The following FADS2 variants were observed in gnomAD, a reference collection of about 807,000 sequenced individuals.
The protein encoded by FADS2 is fatty acid desaturase 2, also known as acyl-CoA 6-desaturase.
A neutral mutation model predicts 61.2 loss-of-function variants in FADS2; 18 were observed. The observed-to-expected ratio is 0.29, with a 90% confidence interval of 0.20 to 0.44. The LOEUF is 0.44. Among genes scored for constraint, FADS2 ranks in the 20% least tolerant of loss-of-function variants. The pLI, the probability that FADS2 is intolerant of heterozygous loss-of-function variation, is 1.00. For missense variants in FADS2, 322 were observed against 572.7 expected (o/e 0.56, Z 4.47); for synonymous variants, 203 against 223.9 (o/e 0.91, Z 0.83).
intron 1 of FADS2, among the ~76,000 whole-genome samples, chr11:61,837,262 CTG>C (rs1275311986): frequency 6.6e-6 from 1 of 152,108 alleles, no homozygotes; most frequent in Non-Finnish European, 1.5e-5. Context: ...TTACATAATT[CTG>C]TGTTTATTTT....
chr11:61,836,660 C>T (rs566340845), intron 1 of FADS2, among the ~76,000 whole-genome samples: 2 of 152,150 alleles, frequency 1.3e-5, no homozygotes, highest in African/African-American at 2.4e-5. Flanking sequence ...TGAGCCCCTG[C>T]GACCAGTCAA....
intron 7 of FADS2, 60 bp from the exon 8 acceptor site, chr11:61,862,912 G>T: frequency 7.4e-7 from 1 of 1,343,106 alleles, no homozygotes. Context: ...TCTGGGGCAC[G>T]CACTTGGTGC....
At chr11:61,839,748 A>G (rs2067203401) in intron 2 of FADS2, among the ~76,000 whole-genome samples, 1 of 152,178 alleles carries the variant, frequency 6.6e-6, no homozygotes, top group African/African-American at 2.4e-5. Flanking sequence ...ACATCCATTA[A>G]GCACTCACTC....
intron 10 of FADS2, among the ~76,000 whole-genome samples, chr11:61,864,782 T>A (rs1460359904): frequency 1.3e-5 from 2 of 151,562 alleles, no homozygotes; most frequent in Non-Finnish European, 2.9e-5. Context: ...GTGATCTGCC[T>A]GCCTCGGCCT....
Position 61,847,906 on chromosome 11 carries a change from G to A in FADS2, c.619-253G>A, listed in dbSNP as rs1049937029. 90 of 455,100 alleles carry A rather than the reference G, an allele frequency of 2.0e-4. 1 individual carries two copies. In the Middle Eastern group the frequency reaches 2.3e-3, roughly 12 times the overall value. 28.2% of individuals were successfully genotyped at this position (455,100 alleles called of 1,614,324 possible). A position where few individuals can be genotyped will look rare whatever the true frequency, so the allele number is the denominator to read the frequency against. On this transcript the variant is annotated intron_variant, in intron 4 of 11. Transcript: ENST00000278840. The stretch of plus-strand genomic sequence containing the variant: ...TCACCGTGTGGTCCCTCAGCAGCAC[G>A]CCTCATCTGCCACCATCGTCTTATG...
intron 1 of FADS2, among the ~76,000 whole-genome samples, chr11:61,829,544 C>T (rs1401620536): frequency 6.6e-6 from 1 of 152,166 alleles, no homozygotes; most frequent in African/African-American, 2.4e-5. Flanking sequence ...AGTCTGAAAT[C>T]CTGGCATTTA....
At chr11:61,840,280 T>G in intron 2 of FADS2, 54 bp from the exon 3 acceptor site, 1 of 1,433,592 alleles carries the variant, frequency 7.0e-7, no homozygotes, top group Non-Finnish European at 9.8e-7. Flanking sequence ...GAGACATATG[T>G]TCCCTCCAGA....
intron 1 of FADS2, among the ~76,000 whole-genome samples, chr11:61,818,147 G>T (rs886064862): frequency 6.6e-6 from 1 of 152,140 alleles, no homozygotes; most frequent in Admixed American, 6.6e-5. Context: ...GTCAGGAGAG[G>T]GTGATACAGA....
At chr11:61,836,865 A>G (rs1284511301) in intron 1 of FADS2, among the ~76,000 whole-genome samples, 1 of 152,220 alleles carries the variant, frequency 6.6e-6, no homozygotes, top group Non-Finnish European at 1.5e-5. Context: ...CACAGTGTTC[A>G]CCACTGGGAC....
chr11:61,859,868 C>T (rs1192106001), intron 7 of FADS2, among the ~76,000 whole-genome samples: 1 of 152,188 alleles, frequency 6.6e-6, no homozygotes, highest in Non-Finnish European at 1.5e-5. Flanking sequence ...CACCTGTAGT[C>T]CCAGCTACTC....
chr11:61,844,006 C>T (rs192957251), intron 4 of FADS2, among the ~76,000 whole-genome samples: 176 of 152,108 alleles, frequency 1.2e-3, no homozygotes, highest in African/African-American at 4.0e-3. Context: ...AAAAAATCCA[C>T]AATGAACAAA....
rs779357227 is a variant in FADS2, at chr11:61,857,441, C to G, written c.806-13C>G. 13 of 1,613,000 alleles carry G rather than the reference C, an allele frequency of 8.1e-6. No individual in the cohort carries two copies. Among genetic ancestry groups the G allele is most frequent in the Non-Finnish European group, 9.3e-6 (11 of 1,179,334 alleles). Reference sequence around the variant, plus strand: ...GGAATGGATGCCTCTAAGCGCCTGTCTCTCTCCTGCAGTTGGGCCGCCGCT... The same window carrying G: ...GGAATGGATGCCTCTAAGCGCCTGTGTCTCTCCTGCAGTTGGGCCGCCGCT... On this transcript the variant is annotated splice_polypyrimidine_tract_variant and intron_variant, in intron 6 of 11. Transcript: ENST00000278840.
rs749976161 is a variant in FADS2 at position 61,816,732 on chromosome 11, C to G, written c.141+306C>G. On this transcript the variant is annotated intron_variant, in intron 1 of 11. Coordinates refer to the FADS2 transcript ENST00000257261. The surrounding 1 kb of genome is among the most constrained non-coding windows in gnomAD (Gnocchi z 7.0). ...GCGGGGTAGGTCCCTGAGCCGCGGTCTCGGCGGCCACCGGGTCGGGGGCCA... is the reference window on the plus strand; with the variant it reads ...GCGGGGTAGGTCCCTGAGCCGCGGTGTCGGCGGCCACCGGGTCGGGGGCCA... The G allele has an allele frequency of 1.3e-6, 2 of 1,558,710 alleles. No homozygotes were observed. The highest frequency in any genetic ancestry group is 1.7e-6 in the Non-Finnish European group (2 of 1,152,556).
At chr11:61,863,903 C>G (rs2067439027) in intron 10 of FADS2, 117 bp downstream of exon 10, 1 of 858,876 alleles carries the variant, frequency 1.2e-6, no homozygotes, top group Non-Finnish European at 1.9e-6. Flanking sequence ...GACAAGGTCT[C>G]TGCCCAATAT....
At position 61,828,659 on chromosome 11, in the gene FADS2, C is replaced by A; in HGVS notation, c.207+62C>A. On this transcript the variant is annotated intron_variant, in intron 1 of 11. Transcript: ENST00000278840. This position sits in a 1 kb window ranked among gnomAD's most constrained non-coding sequence, Gnocchi z 6.4. The stretch of plus-strand genomic sequence containing the variant: ...CTGCAGGCGGAGTCAGGATCCCTGG[C>A]TCCCCGTGGGCCAAACAGACCTCCG... 6.7e-7 allele frequency: 1 copy of A among 1,490,744 alleles called. No individual in the cohort carries two copies. The highest frequency in any genetic ancestry group is 1.2e-5 in the South Asian group (1 of 80,946). 92.3% of individuals were successfully genotyped at this position (1,490,744 alleles called of 1,614,324 possible).
rs568346030 is a variant in FADS2, at chr11:61,838,417, T to C, written c.318+529T>C. Among the ~76,000 whole-genome samples the C allele has an allele frequency of 2.0e-5, 3 of 152,214 alleles. No individual in the cohort carries two copies. In the South Asian group the frequency reaches 6.2e-4, roughly 32 times the overall value. ...TCTCCATGTAAATGGCGGAGCCGTT[T>C]ATAGAAGAAAGTTGGGACAGGAGGC... On this transcript the variant is annotated intron_variant, in intron 2 of 11. Coordinates refer to ENST00000278840, the MANE Select transcript of FADS2 (RefSeq NM_004265.4).
Position 61,866,134 on chromosome 11 carries a change from C to T in FADS2, c.*445C>T, listed in dbSNP as rs142344045. The T allele has an allele frequency of 5.3e-4, 212 of 399,386 alleles. 1 individual carries two copies. In the East Asian group the frequency reaches 7.1e-3, roughly 13 times the overall value. The allele number at this position is 399,386 out of a possible 1,614,324, so 24.7% of individuals were successfully genotyped here. ...GGGGTTCATAGGGGCAGGTCCTAGT[C>T]GGGCAGGGCCCCTGACCCTCCCGGC... On this transcript the variant is annotated 3_prime_UTR_variant, in exon 12 of 12. Transcript: ENST00000278840.
upstream of FADS2, among the ~76,000 whole-genome samples, chr11:61,826,668 C>G (rs564036390): frequency 6.6e-6 from 1 of 152,170 alleles, no homozygotes; most frequent in Non-Finnish European, 1.5e-5. Context: ...ACAGAGAGGC[C>G]TTACTGTCTT....
At chr11:61,844,340 G>A (rs1039134716) in intron 4 of FADS2, among the ~76,000 whole-genome samples, 4 of 151,840 alleles carry the variant, frequency 2.6e-5, no homozygotes, top group Non-Finnish European at 5.9e-5. Context: ...GGAGGGTGAC[G>A]CAGGTAGATC....
Sources: allele counts gnomAD v4.1 joint callset (sites outside exome capture counted in the v4.1 genomes callset), GRCh38; gene constraint gnomAD v4.1.1; non-coding constraint Gnocchi (gnomAD v3.1); transcripts MANE v1.5; gene names NCBI Gene and HGNC (gene_info 2026-07-23, HGNC 2026-07-21).